The following FHIT variants were observed in gnomAD, a reference collection of about 807,000 sequenced individuals.
The protein encoded by FHIT is fragile histidine triad diadenosine triphosphatase, also known as bis(5'-adenosyl)-triphosphatase.
A neutral mutation model predicts 17.9 loss-of-function variants in FHIT; 19 were observed. The observed-to-expected ratio is 1.06, with a 90% CI of 0.74 to 1.56. The LOEUF (loss-of-function observed/expected upper bound fraction) is 1.56. FHIT is among the 40% of genes most tolerant of loss of function. The pLI is 0.00. For missense variants in FHIT, 248 were observed against 189.2 expected, an observed-to-expected ratio of 1.31 and a Z score of -1.82; for synonymous variants, 81 against 69.7, an observed-to-expected ratio of 1.16 and a Z score of -0.81.
At chr3:60,902,077 C>G (rs150858413) in intron 3 of FHIT, among the ~76,000 whole-genome samples, 281 of 152,184 alleles carry the variant, frequency 1.8e-3, no homozygotes, top group African/African-American at 6.4e-3. Flanking sequence ...TGAATTCTGA[C>G]AAATGCATAT....
intron 5 of FHIT, among the ~76,000 whole-genome samples, chr3:60,141,195 C>T (rs900557311): frequency 3.0e-4 from 46 of 152,110 alleles, no homozygotes; most frequent in African/African-American, 1.1e-3. Context: ...AGAATTAAAA[C>T]ATAATAAGCC....
At chr3:60,348,997 T>A (rs1288122049) in intron 5 of FHIT, among the ~76,000 whole-genome samples, 1 of 152,160 alleles carries the variant, frequency 6.6e-6, no homozygotes, top group Admixed American at 6.6e-5. Context: ...CAGCTGATTG[T>A]AGGTATAAGA....
At chr3:60,957,934 G>A (rs1201320120) in intron 3 of FHIT, among the ~76,000 whole-genome samples, 1 of 152,182 alleles carries the variant, frequency 6.6e-6, no homozygotes, top group Admixed American at 6.5e-5. Context: ...AATACATTCT[G>A]TAGTCAGACA....
At chr3:60,280,496 G>C (rs1335140981) in intron 5 of FHIT, among the ~76,000 whole-genome samples, 1 of 152,126 alleles carries the variant, frequency 6.6e-6, no homozygotes, top group East Asian at 1.9e-4. Context: ...ATCCTTATAA[G>C]GTAGAGGCAA....
chr3:59,844,264 C>T (rs1177613278), intron 8 of FHIT, among the ~76,000 whole-genome samples: 3 of 152,140 alleles, frequency 2.0e-5, no homozygotes, highest in Non-Finnish European at 4.4e-5. Context: ...TTAATTTCTT[C>T]ATTTTCAATT....
intron 5 of FHIT, among the ~76,000 whole-genome samples, chr3:60,334,188 T>C (rs953492127): frequency 1.3e-5 from 2 of 152,212 alleles, no homozygotes; most frequent in Non-Finnish European, 2.9e-5. Context: ...ATATTGTTTC[T>C]CTGAAAATAA....
intron 5 of FHIT, among the ~76,000 whole-genome samples, chr3:60,023,887 T>A (rs1700642029): frequency 6.6e-6 from 1 of 152,132 alleles, no homozygotes; most frequent in South Asian, 2.1e-4. Context: ...TAATGAATAA[T>A]TTCTTCAAAA....
intron 5 of FHIT, among the ~76,000 whole-genome samples, chr3:60,451,686 C>G (rs2031757883): frequency 6.6e-6 from 1 of 152,112 alleles, no homozygotes; most frequent in Non-Finnish European, 1.5e-5. Context: ...CTTAGTACAA[C>G]TAAAACTAGT....
chr3:60,449,072 G>T (rs961764968), intron 5 of FHIT, among the ~76,000 whole-genome samples: 1 of 152,162 alleles, frequency 6.6e-6, no homozygotes, highest in Admixed American at 6.6e-5. Context: ...AAAAATTCCA[G>T]ATCTGGCCTC....
At chr3:59,878,746 G>A (rs1367574317) in intron 8 of FHIT, among the ~76,000 whole-genome samples, 3 of 152,144 alleles carry the variant, frequency 2.0e-5, no homozygotes, top group Admixed American at 1.3e-4. Flanking sequence ...AGTTATTGAC[G>A]AGCGTTTAGA....
At chr3:60,075,797 C>T (rs2736763) in intron 5 of FHIT, among the ~76,000 whole-genome samples, 7,864 of 152,060 alleles carry the variant, frequency 0.052, 267 homozygotes, top group South Asian at 0.075. Context: ...GGGTCCTGGT[C>T]CTGAGGCCTG....
intron 5 of FHIT, among the ~76,000 whole-genome samples, chr3:60,144,695 G>T (rs1249155354): frequency 2.0e-5 from 3 of 151,992 alleles, no homozygotes; most frequent in Non-Finnish European, 4.4e-5. Flanking sequence ...GATCCAATCA[G>T]GGTAGTTAGT....
At chr3:60,415,004 A>G (rs1702192483) in intron 5 of FHIT, among the ~76,000 whole-genome samples, 1 of 151,722 alleles carries the variant, frequency 6.6e-6, no homozygotes, top group Non-Finnish European at 1.5e-5. Context: ...AGATTACCAG[A>G]GCCATCCTCA....
chr3:61,181,824 T>A (rs1420194735), intron 2 of FHIT, among the ~76,000 whole-genome samples: 1 of 152,222 alleles, frequency 6.6e-6, no homozygotes, highest in South Asian at 2.1e-4. Flanking sequence ...AAAAAATGGT[T>A]CAGGAATAGA....
intron 8 of FHIT, among the ~76,000 whole-genome samples, chr3:59,805,412 G>A (rs898747138): frequency 1.3e-5 from 2 of 152,166 alleles, no homozygotes; most frequent in Non-Finnish European, 2.9e-5. Context: ...AAGTAGGAAG[G>A]TCTTTCTGAC....
intron 7 of FHIT, among the ~76,000 whole-genome samples, chr3:60,002,496 C>T (rs1044161205): frequency 6.6e-6 from 1 of 152,176 alleles, no homozygotes; most frequent in Non-Finnish European, 1.5e-5. Flanking sequence ...CAAAATGACC[C>T]TTTCCCAGCA....
At chr3:60,798,435 A>G (rs1701067792) in intron 4 of FHIT, among the ~76,000 whole-genome samples, 1 of 152,260 alleles carries the variant, frequency 6.6e-6, no homozygotes, top group Non-Finnish European at 1.5e-5. Flanking sequence ...ATTTTCAATC[A>G]CGTAAAAACT....
chr3:60,518,279 A>G (rs963371592), intron 5 of FHIT, among the ~76,000 whole-genome samples: 4 of 152,218 alleles, frequency 2.6e-5, no homozygotes, highest in African/African-American at 9.6e-5. Context: ...AAAGATCTCT[A>G]ACATATTGGG....
intron 8 of FHIT, among the ~76,000 whole-genome samples, chr3:59,826,138 C>G (rs1365560674): frequency 6.6e-6 from 1 of 152,082 alleles, no homozygotes; most frequent in East Asian, 1.9e-4. Context: ...TTTATTTAGA[C>G]CCAGGGTCTC....
Sources: gnomAD v4.1 joint callset for allele counts (sites outside exome capture counted in the v4.1 genomes callset) on GRCh38, gnomAD v4.1.1 for gene constraint, MANE v1.5 for transcripts, NCBI Gene and HGNC (gene_info 2026-07-23, HGNC 2026-07-21) for gene names.